Variants in TRIM5 observed in about 807,000 individuals in gnomAD.
TRIM5 encodes tripartite motif containing 5.
TRIM5 carries 31 observed loss-of-function variants against 35.6 expected under a neutral mutation model. The ratio of observed to expected loss-of-function variants is 0.87; its 90% CI spans 0.65 to 1.18. TRIM5 has a LOEUF of 1.18. TRIM5 is among the 50% of genes most tolerant of loss of function. TRIM5 has a pLI of 0.00. For missense variants in TRIM5, 609 were observed against 591.6 expected (o/e 1.03, Z -0.31); for synonymous variants, 243 against 215.6 (o/e 1.13, Z -1.11).
chr11:5,635,466 C>T, the TRIM5 span, among the ~76,000 whole-genome samples: 8 of 151,986 alleles, frequency 5.3e-5, no homozygotes, highest in African/African-American at 1.2e-4. Flanking sequence ...CCGTGCTAGC[C>T]AGTATGGTAT....
At chr11:5,676,767 G>A (rs1852015139) in intron 4 of TRIM5, among the ~76,000 whole-genome samples, 1 of 150,682 alleles carries the variant, frequency 6.6e-6, no homozygotes. Context: ...ATAGATCAAT[G>A]GAACAGAACA....
At chr11:5,637,691 C>A in the TRIM5 span, among the ~76,000 whole-genome samples, 1 of 152,114 alleles carries the variant, frequency 6.6e-6, no homozygotes, top group Non-Finnish European at 1.5e-5. Flanking sequence ...CCTCTCTGGA[C>A]TTTTTCACCA....
chr11:5,644,439 C>T, the TRIM5 span: 1 of 393,302 alleles, frequency 2.5e-6, no homozygotes, highest in African/African-American at 2.1e-5. Flanking sequence ...GTTTTGTGGC[C>T]TTCAGAGGAA....
chr11:5,608,847 A>ATTTTTTTTTTTTTTTT, the TRIM5 span, among the ~76,000 whole-genome samples: 6 of 101,902 alleles, frequency 5.9e-5, no homozygotes, highest in African/African-American at 1.7e-4. Context: ...TTGCCCATAA[A>ATTTTTTTTTTTTTTTT]TTTTTTTTTT....
the TRIM5 span, among the ~76,000 whole-genome samples, chr11:5,613,848 TAAAAA>T: frequency 5.3e-5 from 8 of 152,172 alleles, no homozygotes; most frequent in Non-Finnish European, 8.8e-5. Context: ...GATGCTAACT[TAAAAA>T]GAAGATTTTG....
At chr11:5,634,798 G>A in the TRIM5 span, 2 of 1,613,804 alleles carry the variant, frequency 1.2e-6, no homozygotes, top group Middle Eastern at 1.7e-4. Context: ...AGAAGCAGTT[G>A]GTGAGAGAGC....
intron 1 of TRIM5, among the ~76,000 whole-genome samples, chr11:5,680,483 T>C (rs950432959): frequency 1.9e-4 from 29 of 152,214 alleles, no homozygotes; most frequent in African/African-American, 6.0e-4. Flanking sequence ...ATCATTTTTC[T>C]TTACTTTCAA....
At chr11:5,635,966 A>G in the TRIM5 span, among the ~76,000 whole-genome samples, 1 of 152,224 alleles carries the variant, frequency 6.6e-6, no homozygotes, top group Non-Finnish European at 1.5e-5. Context: ...CTACTTAGGA[A>G]AAACTGCTTG....
In TRIM5 at chr11:5,678,285, C is replaced by T. The variant is rs1380874604; in HGVS notation, c.663G>A (p.Met221Ile). The T allele has an allele frequency of 1.9e-6, 3 of 1,614,040 alleles. No homozygotes were observed. Among genetic ancestry groups the T allele is most frequent in the Non-Finnish European group, 2.5e-6 (3 of 1,180,016 alleles). Residue 221 changes from methionine to isoleucine, a missense_variant, in exon 4 of 8, where the codon ATG (methionine) becomes ATA (isoleucine). Transcript: ENST00000380034. ...LKSLTNSETE[M>I]VQQTQSLREL... ...CTCTCAGGGACTGGGTCTGCTGCAC[C>T]ATCTCAGTTTCAGAGTTCGTAAGGC...
the TRIM5 span, among the ~76,000 whole-genome samples, chr11:5,653,131 C>A: frequency 6.6e-6 from 1 of 152,118 alleles, no homozygotes; most frequent in Non-Finnish European, 1.5e-5. Context: ...GGATTACAGG[C>A]ATGAGCCACT....
At chr11:5,669,024 T>C (rs1461768408) in intron 4 of TRIM5, among the ~76,000 whole-genome samples, 1 of 151,686 alleles carries the variant, frequency 6.6e-6, no homozygotes, top group Non-Finnish European at 1.5e-5. Flanking sequence ...GTCATTGTCC[T>C]AAAAACTACA....
At chr11:5,611,836 A>AGGT in the TRIM5 span, 2 of 153,958 alleles carry the variant, frequency 1.3e-5, no homozygotes, top group Non-Finnish European at 2.9e-5. Context: ...ACAGGTCTTG[A>AGGT]GGTGGATAGG....
chr11:5,657,625 TGC>T, the TRIM5 span, among the ~76,000 whole-genome samples: 1 of 105,898 alleles, frequency 9.4e-6, no homozygotes, highest in South Asian at 2.7e-4. Flanking sequence ...TTATATATAA[TGC>T]ATTATATATA....
At chr11:5,632,781 G>T in the TRIM5 span, 21 of 1,544,664 alleles carry the variant, frequency 1.4e-5, no homozygotes, top group Admixed American at 4.0e-4. Flanking sequence ...AGGGAGATGG[G>T]GCAGAAGATG....
the TRIM5 span, chr11:5,605,255 T>G: frequency 1.3e-5 from 20 of 1,594,870 alleles, no homozygotes; most frequent in Non-Finnish European, 1.5e-5. Context: ...AAAGCAGTCC[T>G]GAGCCCAACT....
At chr11:5,612,463 G>T in the TRIM5 span, 7 of 152,144 alleles carry the variant, frequency 4.6e-5, no homozygotes, top group Non-Finnish European at 4.4e-5. Context: ...CAAAAGAGTA[G>T]TGGGGAGAGA....
At chr11:5,613,547 A>G in the TRIM5 span, among the ~76,000 whole-genome samples, 1 of 152,156 alleles carries the variant, frequency 6.6e-6, no homozygotes, top group Non-Finnish European at 1.5e-5. Context: ...ATAAAAGGAG[A>G]TAGGGCCAGC....
chr11:5,614,758 C>T, the TRIM5 span, among the ~76,000 whole-genome samples: 1 of 152,170 alleles, frequency 6.6e-6, no homozygotes, highest in South Asian at 2.1e-4. Context: ...TTGATTCTAA[C>T]TTAAAAATAA....
chr11:5,604,614 GA>G, the TRIM5 span: 1 of 1,612,924 alleles, frequency 6.2e-7, no homozygotes, highest in Non-Finnish European at 8.5e-7. Context: ...TCAGAGAGAA[GA>G]AAACATCCTG....
Sources: allele counts gnomAD v4.1 joint callset (sites outside exome capture counted in the v4.1 genomes callset), GRCh38; gene constraint gnomAD v4.1.1; transcripts MANE v1.5; gene names NCBI Gene and HGNC (gene_info 2026-07-23, HGNC 2026-07-21).